The following ZBTB7C variants were observed in gnomAD, a reference collection of about 807,000 sequenced individuals.
ZBTB7C encodes zinc finger and BTB domain-containing protein 7C.
In ZBTB7C, 8 loss-of-function variants were observed where a neutral mutation model predicts 25.7. The ratio of observed to expected loss-of-function variants is 0.31; its 90% confidence interval spans 0.18 to 0.56. The LOEUF is 0.56. Ranked by LOEUF, ZBTB7C falls within the 20% of genes least tolerant of loss-of-function variation. ZBTB7C has a pLI of 0.91. For synonymous variants in ZBTB7C, 394 were observed against 369.0 expected (o/e 1.07, Z -0.78); for missense variants, 824 against 855.2 (o/e 0.96, Z 0.46).
At chr18:48,171,604 A>G (rs1189448021) in intron 3 of ZBTB7C, among the ~76,000 whole-genome samples, 1 of 152,252 alleles carries the variant, frequency 6.6e-6, no homozygotes, top group East Asian at 1.9e-4. Flanking sequence ...GCCCCAGCAC[A>G]ACCCAGACAG....
chr18:48,190,516 A>G (rs909294637), intron 2 of ZBTB7C, among the ~76,000 whole-genome samples: 1 of 152,190 alleles, frequency 6.6e-6, no homozygotes, highest in Non-Finnish European at 1.5e-5. Flanking sequence ...GCAGACACTG[A>G]AGCAGTGCTC....
intron 3 of ZBTB7C, among the ~76,000 whole-genome samples, chr18:48,122,910 C>T (rs1286778673): frequency 1.3e-5 from 2 of 152,142 alleles, no homozygotes; most frequent in Non-Finnish European, 2.9e-5. Context: ...ACTCTAACCG[C>T]CCCCCACTCC....
At position 48,296,719 on chromosome 18, in the gene ZBTB7C, T is replaced by C. The variant is rs981928405; in HGVS notation, c.-79+41455A>G. Among the ~76,000 whole-genome samples the C allele has an allele frequency of 9.2e-5, 14 of 152,224 alleles. 1 individual carries two copies. Among genetic ancestry groups the C allele is most frequent in the African/African-American group, 3.4e-4 (14 of 41,558 alleles). On this transcript the variant is annotated intron_variant, in intron 2 of 4. Coordinates refer to ENST00000590800, the MANE Select transcript of ZBTB7C (RefSeq NM_001318841.2). Reference sequence around the variant, plus strand: ...GTCCCCAGTCCCCGGGGCCACAGTCTGGTAGTGGCGGGTGGCCTGTTAGGT... The same window carrying C: ...GTCCCCAGTCCCCGGGGCCACAGTCCGGTAGTGGCGGGTGGCCTGTTAGGT...
At chr18:48,327,653 G>A (rs753491053) in intron 2 of ZBTB7C, among the ~76,000 whole-genome samples, 99 of 152,138 alleles carry the variant, frequency 6.5e-4, no homozygotes, top group African/African-American at 2.1e-3. Flanking sequence ...GAGAAGAATC[G>A]CTGGAGATGA....
At position 48,094,765 on chromosome 18, in the gene ZBTB7C, G is replaced by A. The variant is rs1193106104; in HGVS notation, c.-16-53642C>T. 1.6e-4 allele frequency among the ~76,000 whole-genome samples: 25 copies of A among 152,158 alleles called. 1 individual carries two copies. Among genetic ancestry groups the A allele is most frequent in the Admixed American group, 1.4e-3 (21 of 15,274 alleles). On this transcript the variant is annotated intron_variant, in intron 3 of 4. Transcript: ENST00000590800. ...ATTGCAGTGAGTTACACAGTGGTTT[G>A]CATATGCATTTACTTCTTAAGTGAC...
intron 3 of ZBTB7C, among the ~76,000 whole-genome samples, chr18:48,107,020 A>G (rs7506631): frequency 0.017 from 2,631 of 151,154 alleles, 73 homozygotes; most frequent in African/African-American, 0.058. Context: ...CCAGGAAACG[A>G]GTGGAGGTTT....
intron 4 of ZBTB7C, among the ~76,000 whole-genome samples, chr18:48,031,108 G>A (rs193154713): frequency 3.3e-5 from 5 of 152,288 alleles, no homozygotes; most frequent in African/African-American, 9.6e-5. Flanking sequence ...TCCTCCCTAA[G>A]ATGGCCAGAT....
At chr18:48,391,420 C>T (rs1288406869) in intron 1 of ZBTB7C, among the ~76,000 whole-genome samples, 1 of 152,206 alleles carries the variant, frequency 6.6e-6, no homozygotes, top group Non-Finnish European at 1.5e-5. Context: ...GGGTTGAAAG[C>T]CCAGTCTATC....
intron 3 of ZBTB7C, among the ~76,000 whole-genome samples, chr18:48,087,335 C>T (rs969024100): frequency 1.3e-5 from 2 of 152,222 alleles, no homozygotes; most frequent in Non-Finnish European, 2.9e-5. Flanking sequence ...ACACAGTGTT[C>T]CCTTAAAACA....
intron 2 of ZBTB7C, among the ~76,000 whole-genome samples, chr18:48,245,107 C>T (rs142129176): frequency 0.74 from 83,673 of 112,650 alleles, 28,673 homozygotes; most frequent in East Asian, 0.87. Flanking sequence ...TATATATACA[C>T]ACACACACAC....
At chr18:48,250,536 C>G (rs2043817600) in intron 2 of ZBTB7C, among the ~76,000 whole-genome samples, 2 of 152,118 alleles carry the variant, frequency 1.3e-5, no homozygotes, top group Non-Finnish European at 2.9e-5. Flanking sequence ...GACCTGATCT[C>G]TCTTTTGCTC....
intron 3 of ZBTB7C, among the ~76,000 whole-genome samples, chr18:48,157,416 ACAAAC>A (rs975752201): frequency 6.6e-6 from 1 of 152,152 alleles, no homozygotes; most frequent in Non-Finnish European, 1.5e-5. Context: ...GGAAACGGAG[ACAAAC>A]CAACCCCAGC....
intron 3 of ZBTB7C, among the ~76,000 whole-genome samples, chr18:48,161,023 T>G (rs957845524): frequency 2.0e-5 from 3 of 148,908 alleles, no homozygotes; most frequent in African/African-American, 7.5e-5. Context: ...CACACAGCCA[T>G]GAGAAGGGTG....
At chr18:48,185,752 C>T (rs1272298303) in intron 3 of ZBTB7C, among the ~76,000 whole-genome samples, 182 bp downstream of exon 3, 1 of 152,130 alleles carries the variant, frequency 6.6e-6, no homozygotes, top group East Asian at 1.9e-4. Context: ...TCAAACCACC[C>T]TCCTCCAATT....
intron 3 of ZBTB7C, among the ~76,000 whole-genome samples, chr18:48,103,794 G>A (rs1158987648): frequency 6.6e-6 from 1 of 151,946 alleles, no homozygotes; most frequent in Non-Finnish European, 1.5e-5. Flanking sequence ...CAACATGGAG[G>A]AACCCTGAAA....
chr18:48,375,466 G>A (rs2047497241), intron 1 of ZBTB7C: 1 of 152,270 alleles, frequency 6.6e-6, no homozygotes, highest in Non-Finnish European at 1.5e-5. Context: ...GTGGGTGGAA[G>A]AAAACCTTCC....
At position 48,290,635 on chromosome 18, in the gene ZBTB7C, T is replaced by C. The variant is rs372295852; in HGVS notation, c.-79+47539A>G. ...TTCCCTGGGCAGACAACAGGATCTA[T>C]TGTTGGAGTTGGACCATTAGTCAGC... is the stretch of plus-strand genomic sequence containing the variant. On this transcript the variant is annotated intron_variant, in intron 2 of 4. Coordinates refer to ENST00000590800, the MANE Select transcript of ZBTB7C (RefSeq NM_001318841.2). Among the ~76,000 whole-genome samples the C allele has an allele frequency of 7.9e-5, 12 of 152,320 alleles. No individual in the cohort carries two copies. The East Asian group carries it at 1.5e-3, about 20-fold the overall frequency.
At chr18:48,118,058 T>C (rs115758502) in intron 3 of ZBTB7C, among the ~76,000 whole-genome samples, 8,662 of 150,048 alleles carry the variant, frequency 0.058, 300 homozygotes, top group South Asian at 0.1. Context: ...CGGGCTGGAG[T>C]GCAGTGGCGT....
chr18:48,365,077 A>T (rs761184771), intron 1 of ZBTB7C, among the ~76,000 whole-genome samples: 3 of 152,182 alleles, frequency 2.0e-5, no homozygotes, highest in Non-Finnish European at 4.4e-5. Flanking sequence ...TGCTACATGG[A>T]TTTACAAGGA....
Sources: allele counts gnomAD v4.1 joint callset (sites outside exome capture counted in the v4.1 genomes callset), GRCh38; gene constraint gnomAD v4.1.1; transcripts MANE v1.5; gene names NCBI Gene and HGNC (gene_info 2026-07-23, HGNC 2026-07-21).